PSG5: variants seen among roughly 807,000 people sequenced by gnomAD.
PSG5 encodes the protein pregnancy-specific beta-1-glycoprotein 5.
Under a neutral mutation model 37.7 loss-of-function variants are expected in PSG5, and 53 were observed. The ratio of observed to expected loss-of-function variants is 1.41; its 90% confidence interval spans 1.13 to 1.77. The LOEUF is 1.77. Among genes scored for constraint, PSG5 ranks in the 40% most tolerant of loss-of-function variants. PSG5 has a pLI of 0.00. For missense variants in PSG5, 547 were observed against 405.2 expected, an observed-to-expected ratio of 1.35 and a Z score of -3.00; for synonymous variants, 221 against 155.4, an observed-to-expected ratio of 1.42 and a Z score of -3.14.
intron 1 of PSG5, among the ~76,000 whole-genome samples, chr19:43,185,777 A>G (rs955950368): frequency 6.6e-6 from 1 of 151,092 alleles, no homozygotes; most frequent in Non-Finnish European, 1.5e-5. Context: ...TGCTGAGGAC[A>G]GTGTTTCATG....
chr19:43,186,131 C>G (rs1966934307), intron 1 of PSG5, among the ~76,000 whole-genome samples: 1 of 151,440 alleles, frequency 6.6e-6, no homozygotes, highest in Admixed American at 6.6e-5. Context: ...AGCACACCAC[C>G]ATACCTGGTT....
intron 1 of PSG5, among the ~76,000 whole-genome samples, chr19:43,185,557 G>C (rs545465475): frequency 5.3e-5 from 8 of 151,024 alleles, no homozygotes; most frequent in African/African-American, 2.0e-4. Flanking sequence ...CTCCCTCCAG[G>C]GTTCTTGTCA....
chr19:43,178,156 T>C (rs1270006834), intron 2 of PSG5, among the ~76,000 whole-genome samples: 3 of 151,598 alleles, frequency 2.0e-5, no homozygotes, highest in African/African-American at 7.3e-5. Flanking sequence ...AGAGGGCAGG[T>C]GGCTCTTCCC....
At chr19:43,185,600 T>C (rs1966919319) in intron 1 of PSG5, among the ~76,000 whole-genome samples, 1 of 151,420 alleles carries the variant, frequency 6.6e-6, no homozygotes, top group South Asian at 2.1e-4. Flanking sequence ...TCTCTTTGCA[T>C]GTCTGTCTTC....
chr19:43,181,571 G>A (rs1475572443), intron 2 of PSG5, among the ~76,000 whole-genome samples: 1 of 151,530 alleles, frequency 6.6e-6, no homozygotes, highest in Non-Finnish European at 1.5e-5. Flanking sequence ...GCATTCTCCT[G>A]GCTCAGCCTA....
intron 2 of PSG5, among the ~76,000 whole-genome samples, chr19:43,182,750 G>A (rs1969156355): frequency 7.7e-6 from 1 of 130,174 alleles, no homozygotes. Flanking sequence ...GATCTTGCCT[G>A]GCAATTATGA....
intron 2 of PSG5, among the ~76,000 whole-genome samples, chr19:43,181,342 A>G (rs1297576579): frequency 6.6e-6 from 1 of 151,688 alleles, no homozygotes; most frequent in Admixed American, 6.6e-5. Flanking sequence ...CCCCACTCTT[A>G]TTGAACTTTC....
chr19:43,183,434 AGTGT>A (rs765775227), intron 2 of PSG5: 3 of 529,310 alleles, frequency 5.7e-6, no homozygotes, highest in Non-Finnish European at 1.2e-5. Context: ...AGAGCTCCTG[AGTGT>A]GTGTCTCTCG....
intron 4 of PSG5, chr19:43,170,346 T>C: frequency 3.2e-6 from 2 of 634,270 alleles, no homozygotes; most frequent in East Asian, 1.0e-4. Context: ...ATCAGTCCTC[T>C]GTCAAATCTC....
rs1966940162 is a variant in PSG5, at chr19:43,186,324, AG to A, written c.64+17del. The A allele has an allele frequency of 6.2e-7, 1 of 1,611,444 alleles. No individual in the cohort carries two copies. Among genetic ancestry groups the A allele is most frequent in the African/African-American group, 1.3e-5 (1 of 74,448 alleles). On this transcript the variant is annotated intron_variant, in intron 1 of 5. Transcript: ENST00000342951. ...CTTCTTCCTCCTCCTGTCCTCTCCC[AG>A]GAAGTTCTCTCCTCACCTGTGAGCA...
rs577367582 is a variant in PSG5 at position 43,183,642 on chromosome 19, T to C, written c.430+1140A>G. ...ACGGTTGAGGCAGTTGATTTAGTTC[T>C]GGAGTGCAGACTAATCAGCTGACCA... On this transcript the variant is annotated intron_variant, in intron 2 of 5. Coordinates refer to ENST00000342951, the MANE Select transcript of PSG5 (RefSeq NM_002781.4). Among the ~76,000 whole-genome samples, 46 of 151,568 alleles carry C rather than the reference T, an allele frequency of 3.0e-4. 1 individual carries two copies. The highest frequency in any genetic ancestry group is 1.1e-3 in the African/African-American group (46 of 41,162).
In PSG5 at chr19:43,169,014, A is replaced by G. The variant is rs957077925; in HGVS notation, c.*41-811T>C. ...TGTCAGGGAAGACTTAAAAATTACCAATGCCTTGGTCCCTCTCCAGACCTT... is the reference window on the plus strand; with the variant it reads ...TGTCAGGGAAGACTTAAAAATTACCGATGCCTTGGTCCCTCTCCAGACCTT... On this transcript the variant is annotated intron_variant, in intron 5 of 5. Coordinates refer to ENST00000342951, the MANE Select transcript of PSG5 (RefSeq NM_002781.4). Among the ~76,000 whole-genome samples, 6 of 151,694 alleles carry G rather than the reference A, an allele frequency of 4.0e-5. No homozygotes were observed. The East Asian group carries it at 5.8e-4, about 15-fold the overall frequency.
At position 43,184,855 on chromosome 19, in the gene PSG5, G is replaced by T; in HGVS notation, c.357C>A (p.Ser119=). 1.2e-6 allele frequency: 2 copies of T among 1,612,544 alleles called. No individual in the cohort carries two copies. Among genetic ancestry groups the T allele is most frequent in the Admixed American group, 3.3e-5 (2 of 59,876 alleles). ...CTCGCTTTATGATGTGTAAGGTGTA[G>T]GATCCTGCGTCTTCCCGGGTGACAT... ...IQNVTREDAG[S]YTLHIIKRGD... Residue 119 remains serine, a synonymous_variant, in exon 2 of 6, where the codon TCC becomes TCA. Coordinates refer to ENST00000342951, the MANE Select transcript of PSG5 (RefSeq NM_002781.4).
intron 2 of PSG5, among the ~76,000 whole-genome samples, chr19:43,182,108 T>C (rs934397051): frequency 6.6e-6 from 1 of 151,696 alleles, no homozygotes; most frequent in African/African-American, 2.4e-5. Context: ...AGGCTAACCT[T>C]GGGAGGAATT....
At position 43,170,145 on chromosome 19, in the gene PSG5, T is replaced by C. The variant is rs573351121; in HGVS notation, c.965-7A>G. On this transcript the variant is annotated splice_polypyrimidine_tract_variant and splice_region_variant and intron_variant, in intron 4 of 5. Coordinates refer to ENST00000342951, the MANE Select transcript of PSG5 (RefSeq NM_002781.4). ...CGTCCTATTCCTGAAGGAGCTGTCATGGAAAGAAAAGTAAAGAAGGAATGA... is the reference window on the plus strand; with the variant it reads ...CGTCCTATTCCTGAAGGAGCTGTCACGGAAAGAAAAGTAAAGAAGGAATGA... 133 of 1,580,626 alleles carry C rather than the reference T, an allele frequency of 8.4e-5. 1 individual carries two copies. The South Asian group carries it at 1.4e-3, about 17-fold the overall frequency.
chr19:43,174,963 A>T (rs1334930205), intron 4 of PSG5: 1 of 1,355,990 alleles, frequency 7.4e-7, no homozygotes. Flanking sequence ...CCTCTACCAC[A>T]TAGGGCTCAG....
chr19:43,168,378 T>TA (rs1194976347), intron 5 of PSG5, among the ~76,000 whole-genome samples, 175 bp from the exon 6 acceptor site: 2 of 151,420 alleles, frequency 1.3e-5, no homozygotes, highest in African/African-American at 4.9e-5. Flanking sequence ...TAAAAAAATT[T>TA]TTTTTTTTGA....
rs1169349807 is a variant in PSG5 at position 43,170,255 on chromosome 19, T to C, written c.965-117A>G. On this transcript the variant is annotated intron_variant, in intron 4 of 5. Coordinates refer to ENST00000342951, the MANE Select transcript of PSG5 (RefSeq NM_002781.4). ...ATAATTGTTTCTTCAAGTACTACAT[T>C]ATTCCTCTTGGGAAATTGATGGGAG... 1.1e-5 allele frequency: 10 copies of C among 900,586 alleles called. No homozygotes were observed. The African/African-American group carries it at 2.0e-4, about 18-fold the overall frequency. The allele number at this position is 900,586 out of a possible 1,614,324, so 55.8% of individuals were successfully genotyped here.
At chr19:43,186,007 C>T (rs1374387534) in intron 1 of PSG5, among the ~76,000 whole-genome samples, 2 of 150,580 alleles carry the variant, frequency 1.3e-5, no homozygotes, top group South Asian at 2.1e-4. Flanking sequence ...GACAGAGTCT[C>T]GTACTGTCAC....
Sources: allele counts gnomAD v4.1 joint callset (sites outside exome capture counted in the v4.1 genomes callset), GRCh38; gene constraint gnomAD v4.1.1; transcripts MANE v1.5; gene names NCBI Gene and HGNC (gene_info 2026-07-23, HGNC 2026-07-21).